Variants in KCTD8 observed in about 807,000 individuals in gnomAD.
The protein encoded by KCTD8 is potassium channel tetramerization domain containing 8.
KCTD8 carries 27 observed loss-of-function variants against 31.5 expected under a neutral mutation model. That is an observed-to-expected ratio of 0.86 (90% confidence interval 0.63 to 1.18). The LOEUF (loss-of-function observed/expected upper bound fraction) is 1.18, where lower values mean the gene tolerates loss of function less well. KCTD8 is among the 50% of genes most tolerant of loss of function. KCTD8 has a pLI of 0.00. For missense variants in KCTD8, 658 were observed against 647.7 expected, an observed-to-expected ratio of 1.02 and a Z score of -0.17; for synonymous variants, 290 against 280.0, an observed-to-expected ratio of 1.04 and a Z score of -0.36.
chr4:44,235,888 C>T (rs1484160968), intron 1 of KCTD8, among the ~76,000 whole-genome samples: 1 of 151,856 alleles, frequency 6.6e-6, no homozygotes, highest in African/African-American at 2.4e-5. Flanking sequence ...AAGGTCATGG[C>T]AAGACACAGA....
intron 1 of KCTD8, among the ~76,000 whole-genome samples, chr4:44,283,708 T>A (rs1010161027): frequency 2.6e-5 from 4 of 152,048 alleles, no homozygotes; most frequent in African/African-American, 9.7e-5. Context: ...TTGATGACAT[T>A]ATTTTATATT....
chr4:44,254,172 G>C (rs1715926530), intron 1 of KCTD8, among the ~76,000 whole-genome samples: 1 of 151,880 alleles, frequency 6.6e-6, no homozygotes, highest in Non-Finnish European at 1.5e-5. Context: ...AATGTGTTCA[G>C]AGAGAGATTA....
chr4:44,317,007 TA>T (rs375885044), intron 1 of KCTD8, among the ~76,000 whole-genome samples: 23 of 141,410 alleles, frequency 1.6e-4, no homozygotes, highest in Admixed American at 4.9e-4. Context: ...AAAATAATAA[TA>T]AAAAAAAAAC....
At chr4:44,284,822 G>A (rs377452335) in intron 1 of KCTD8, among the ~76,000 whole-genome samples, 1 of 152,260 alleles carries the variant, frequency 6.6e-6, no homozygotes, top group African/African-American at 2.4e-5. Flanking sequence ...GTTATGAACA[G>A]ACACTTCTCA....
chr4:44,427,653 T>A (rs1004223881), intron 1 of KCTD8, among the ~76,000 whole-genome samples: 2 of 151,576 alleles, frequency 1.3e-5, no homozygotes, highest in African/African-American at 4.8e-5. Flanking sequence ...TAAGAAAGAA[T>A]GCACAAAACC....
In KCTD8 at chr4:44,174,719, G is replaced by A. The variant is rs1577808873; in HGVS notation, c.*71C>T. On this transcript the variant is annotated 3_prime_UTR_variant, in exon 2 of 2. Transcript: ENST00000360029. ...CAAGAATCACACTGACCATTGTTAG[G>A]ACATCAGTCAGGTGGTGACACTGTA... 5.4e-6 allele frequency: 6 copies of A among 1,103,404 alleles called. No homozygotes were observed. Among genetic ancestry groups the A allele is most frequent in the Non-Finnish European group, 1.3e-6 (1 of 755,536 alleles). The allele number at this position is 1,103,404 out of a possible 1,614,324, so 68.4% of individuals were successfully genotyped here.
At chr4:44,360,722 CT>C (rs1225854925) in intron 1 of KCTD8, among the ~76,000 whole-genome samples, 9 of 151,938 alleles carry the variant, frequency 5.9e-5, no homozygotes, top group Non-Finnish European at 1.2e-4. Context: ...TGTCTGAAGG[CT>C]TTTAATTTTA....
chr4:44,239,444 T>A (rs1423152116), intron 1 of KCTD8, among the ~76,000 whole-genome samples: 1 of 152,204 alleles, frequency 6.6e-6, no homozygotes, highest in Non-Finnish European at 1.5e-5. Context: ...GATCTCATAG[T>A]GTTATCAAGT....
intron 1 of KCTD8, among the ~76,000 whole-genome samples, chr4:44,227,294 G>A (rs1298525343): frequency 1.3e-5 from 2 of 152,116 alleles, no homozygotes; most frequent in Admixed American, 1.3e-4. Context: ...TATTAAATAG[G>A]GAATCCTTTC....
chr4:44,380,204 T>C (rs1233273983), intron 1 of KCTD8, among the ~76,000 whole-genome samples: 2 of 151,982 alleles, frequency 1.3e-5, no homozygotes, highest in East Asian at 3.9e-4. Context: ...TGACACTTCA[T>C]ATATACCATC....
intron 1 of KCTD8, among the ~76,000 whole-genome samples, chr4:44,225,558 T>A (rs1174510743): frequency 3.3e-5 from 5 of 152,158 alleles, no homozygotes; most frequent in Non-Finnish European, 5.9e-5. Flanking sequence ...ACTTGATTTC[T>A]TTTTTTACTT....
chr4:44,273,000 C>T (rs1190772668), intron 1 of KCTD8, among the ~76,000 whole-genome samples: 1 of 151,902 alleles, frequency 6.6e-6, no homozygotes, highest in Admixed American at 6.6e-5. Flanking sequence ...CATCACATAT[C>T]AGCAACCAAA....
At chr4:44,409,310 G>A (rs184283616) in intron 1 of KCTD8, among the ~76,000 whole-genome samples, 99 of 152,058 alleles carry the variant, frequency 6.5e-4, no homozygotes, top group Non-Finnish European at 1.2e-3. Flanking sequence ...TCCAGGGAAT[G>A]ACATTTTTTA....
intron 1 of KCTD8, among the ~76,000 whole-genome samples, chr4:44,376,338 G>A (rs1267318630): frequency 6.6e-6 from 1 of 152,102 alleles, no homozygotes; most frequent in Non-Finnish European, 1.5e-5. Flanking sequence ...AATGTACTCA[G>A]AAGCTCTCCC....
rs1721986906 is a variant in KCTD8 at position 44,447,869 on chromosome 4, TGG to T, written c.653_654del (p.Thr218AsnfsTer63). On this transcript the variant is annotated frameshift_variant, in exon 1 of 2. Transcript: ENST00000360029. LOFTEE classifies it high-confidence loss of function. Reference sequence around the variant, plus strand: ...GCGTCGGCCTGGTTGTCGCGCACGGTGGTGTAGGAGCCCCGGTAGCCCAGCGT... The same window carrying T: ...GCGTCGGCCTGGTTGTCGCGCACGGTTGTAGGAGCCCCGGTAGCCCAGCGT... The part of the protein sequence containing the change: ...FLTLGYRGSY[T>X]TVRDNQADAK... The T allele has an allele frequency of 6.4e-7, 1 of 1,565,372 alleles. No homozygotes were observed. The highest frequency in any genetic ancestry group is 1.4e-5 in the African/African-American group (1 of 73,602).
intron 1 of KCTD8, among the ~76,000 whole-genome samples, chr4:44,383,423 G>T (rs577357879): frequency 6.6e-6 from 1 of 151,890 alleles, no homozygotes; most frequent in Admixed American, 6.6e-5. Flanking sequence ...ATATACTACA[G>T]ACCTTTAGGA....
intron 1 of KCTD8, among the ~76,000 whole-genome samples, chr4:44,294,241 C>G (rs1016846691): frequency 1.2e-4 from 18 of 152,034 alleles, no homozygotes; most frequent in African/African-American, 4.3e-4. Context: ...CCCTGTTGTC[C>G]TGTGGTAACG....
chr4:44,336,594 G>A (rs1206461549), intron 1 of KCTD8, among the ~76,000 whole-genome samples: 1 of 151,898 alleles, frequency 6.6e-6, no homozygotes, highest in African/African-American at 2.4e-5. Context: ...ACAACTATGA[G>A]AGAAAGCATG....
intron 1 of KCTD8, among the ~76,000 whole-genome samples, chr4:44,363,950 G>T (rs1719565559): frequency 6.6e-6 from 1 of 151,912 alleles, no homozygotes; most frequent in South Asian, 2.1e-4. Flanking sequence ...ACTAAAAATG[G>T]ATAATGGATC....
Sources: allele counts gnomAD v4.1 joint callset (sites outside exome capture counted in the v4.1 genomes callset), GRCh38; gene constraint gnomAD v4.1.1; transcripts MANE v1.5; gene names NCBI Gene and HGNC (gene_info 2026-07-23, HGNC 2026-07-21).